Variants in CRACD observed in about 807,000 individuals in gnomAD.
The protein encoded by CRACD is capping protein inhibiting regulator of actin dynamics.
In CRACD, 56 loss-of-function variants were observed where a neutral mutation model predicts 106.8. The observed-to-expected ratio is 0.52, with a 90% CI of 0.42 to 0.66. The LOEUF (loss-of-function observed/expected upper bound fraction) is 0.66, where lower values mean the gene tolerates loss of function less well. CRACD is among the 30% of genes least tolerant of loss of function. The pLI is 0.00. For missense variants in CRACD, 1,730 were observed against 1,623.2 expected (o/e 1.07, Z -1.13); for synonymous variants, 754 against 670.8 (o/e 1.12, Z -1.92).
intron 1 of CRACD, among the ~76,000 whole-genome samples, chr4:56,092,160 T>C (rs1423599167): frequency 6.6e-6 from 1 of 151,950 alleles, no homozygotes; most frequent in Admixed American, 6.5e-5. Context: ...GGGTGACAGG[T>C]TGGGGTGATG....
At chr4:56,091,304 A>G (rs1733417091) in intron 1 of CRACD, among the ~76,000 whole-genome samples, 1 of 151,308 alleles carries the variant, frequency 6.6e-6, no homozygotes, top group South Asian at 2.1e-4. Flanking sequence ...CATTTCAGAC[A>G]CCCAGAGTGC....
At chr4:56,322,911 C>T (rs1746196165) in intron 8 of CRACD, among the ~76,000 whole-genome samples, 1 of 152,144 alleles carries the variant, frequency 6.6e-6, no homozygotes, top group African/African-American at 2.4e-5. Flanking sequence ...CGCCTGTAGT[C>T]CTAGCTACTC....
chr4:56,258,690 G>A (rs368994189), intron 2 of CRACD, among the ~76,000 whole-genome samples: 10 of 152,338 alleles, frequency 6.6e-5, no homozygotes, highest in South Asian at 6.2e-4. Flanking sequence ...CCAGTGGGTA[G>A]AGCTTTGAGC....
At chr4:56,133,529 G>A (rs957538051) in intron 1 of CRACD, among the ~76,000 whole-genome samples, 50 of 152,160 alleles carry the variant, frequency 3.3e-4, no homozygotes, top group Non-Finnish European at 5.9e-5. Flanking sequence ...GTATTACTCA[G>A]TTCAACAATA....
At chr4:56,256,453 C>G (rs115451676) in intron 2 of CRACD, among the ~76,000 whole-genome samples, 2,337 of 152,272 alleles carry the variant, frequency 0.015, 67 homozygotes, top group African/African-American at 0.051. Flanking sequence ...TGAAAACGAA[C>G]TAATACAACT....
intron 1 of CRACD, among the ~76,000 whole-genome samples, chr4:56,149,397 C>A (rs6554334): frequency 0.98 from 148,582 of 152,312 alleles, 72,487 homozygotes; most frequent in East Asian, 1. Flanking sequence ...AAAATTCTCA[C>A]ACTCCTCAGA....
intron 2 of CRACD, among the ~76,000 whole-genome samples, chr4:56,188,548 C>A (rs1319705129): frequency 4.0e-5 from 6 of 151,692 alleles, no homozygotes; most frequent in Non-Finnish European, 8.8e-5. Context: ...TTCTCTGATA[C>A]CTCCCGTTCC....
chr4:56,313,254 G>A lies in CRACD; in HGVS notation c.412G>A (p.Glu138Lys), dbSNP rs551007533. The A allele has an allele frequency of 1.7e-5, 28 of 1,614,144 alleles. No homozygotes were observed. Among genetic ancestry groups the A allele is most frequent in the East Asian group, 1.6e-4 (7 of 44,876 alleles). The change falls in exon 7 of 11, where the codon GAA (glutamate) becomes AAA (lysine). Residue 138 changes from glutamate (E) to lysine (K), a missense_variant. Glu to Lys is a moderately conservative substitution (Grantham distance 56). This residue lies in a region of CRACD where 1,620 missense variants were observed against 1,481.6 expected (regional missense o/e 1.09). Transcript: ENST00000682029. ...GCACTTCTCTTCTGCTGGCACCATC[G>A]AAAGTGTCAACTTAGATGCCATCCC... ...KRHFSSAGTI[E>K]SVNLDAIPLA...
At chr4:56,306,076 G>C (rs997159692) in intron 4 of CRACD, among the ~76,000 whole-genome samples, 1 of 152,098 alleles carries the variant, frequency 6.6e-6, no homozygotes, top group Non-Finnish European at 1.5e-5. Flanking sequence ...CATTCTTTCC[G>C]TAAGCTTGGG....
At chr4:56,127,189 G>T (rs763534669) in intron 1 of CRACD, among the ~76,000 whole-genome samples, 1 of 152,170 alleles carries the variant, frequency 6.6e-6, no homozygotes, top group African/African-American at 2.4e-5. Flanking sequence ...GGACACAGCA[G>T]GAGGGCCCTT....
chr4:56,100,279 T>C (rs943072331), intron 1 of CRACD, among the ~76,000 whole-genome samples: 4 of 152,132 alleles, frequency 2.6e-5, no homozygotes. Context: ...AGACAACTAT[T>C]TAATTTCAAC....
chr4:56,058,728 A>G (rs1732171802), intron 1 of CRACD, among the ~76,000 whole-genome samples: 1 of 152,216 alleles, frequency 6.6e-6, no homozygotes, highest in African/African-American at 2.4e-5. Context: ...GGCAGCTCAG[A>G]TGTGACTGTA....
At chr4:56,133,851 CA>C (rs1734905870) in intron 1 of CRACD, among the ~76,000 whole-genome samples, 1 of 151,948 alleles carries the variant, frequency 6.6e-6, no homozygotes, top group Non-Finnish European at 1.5e-5. Context: ...TACTTTGGGG[CA>C]AAGACTAGAA....
intron 2 of CRACD, among the ~76,000 whole-genome samples, chr4:56,196,957 C>T (rs913602120): frequency 1.3e-5 from 2 of 152,002 alleles, no homozygotes; most frequent in Non-Finnish European, 2.9e-5. Context: ...GGCCCTGAAA[C>T]GTCCAGTATT....
At chr4:56,264,844 A>T (rs1399435556) in intron 2 of CRACD, among the ~76,000 whole-genome samples, 2 of 152,210 alleles carry the variant, frequency 1.3e-5, no homozygotes, top group Non-Finnish European at 2.9e-5. Context: ...AAATCTTCAC[A>T]ATTTATGTTC....
At chr4:56,255,214 A>G (rs563676640) in intron 2 of CRACD, among the ~76,000 whole-genome samples, 1 of 146,150 alleles carries the variant, frequency 6.8e-6, no homozygotes, top group African/African-American at 2.4e-5. Context: ...TCTCTGTGTT[A>G]TCAATAATTA....
At chr4:56,238,790 T>A (rs1396775879) in intron 2 of CRACD, among the ~76,000 whole-genome samples, 1 of 152,226 alleles carries the variant, frequency 6.6e-6, no homozygotes, top group African/African-American at 2.4e-5. Context: ...GTAAATTTAC[T>A]TTTTTGGTTG....
intron 2 of CRACD, among the ~76,000 whole-genome samples, chr4:56,179,789 G>A (rs929224201): frequency 1.3e-4 from 20 of 152,204 alleles, no homozygotes; most frequent in Admixed American, 1.2e-3. Context: ...AAGCTGAGGC[G>A]GGCGGATCAC....
intron 3 of CRACD, among the ~76,000 whole-genome samples, chr4:56,288,015 A>C (rs1385306749): frequency 6.6e-6 from 1 of 152,168 alleles, no homozygotes; most frequent in Non-Finnish European, 1.5e-5. Flanking sequence ...GAGTGGGTTC[A>C]TGGTATTTGA....
Sources: gnomAD v4.1 joint callset for allele counts (sites outside exome capture counted in the v4.1 genomes callset) on GRCh38, gnomAD v4.1.1 for gene constraint, gnomAD v4.1.1 regional missense constraint, MANE v1.5 for transcripts, NCBI Gene and HGNC (gene_info 2026-07-23, HGNC 2026-07-21) for gene names.